Variants in COBL observed in about 807,000 individuals in gnomAD.
COBL encodes the protein cordon-bleu WH2 repeat protein, also known as protein cordon-bleu.
Under a neutral mutation model 98.8 loss-of-function variants are expected in COBL, and 51 were observed. The observed-to-expected ratio is 0.52, with a 90% CI of 0.41 to 0.65. The LOEUF (loss-of-function observed/expected upper bound fraction) is 0.65. COBL is among the 30% of genes least tolerant of loss of function. COBL has a pLI of 0.00. For synonymous variants in COBL, 634 were observed against 651.7 expected, an observed-to-expected ratio of 0.97 and a Z score of 0.41; for missense variants, 1,617 against 1,617.5, an observed-to-expected ratio of 1.00 and a Z score of 0.01.
At chr7:51,255,968 G>C (rs1022552932) in intron 1 of COBL, among the ~76,000 whole-genome samples, 1 of 152,096 alleles carries the variant, frequency 6.6e-6, no homozygotes, top group Non-Finnish European at 1.5e-5. Context: ...CTGGGGACCC[G>C]GGCCAGCACC....
intron 12 of COBL, among the ~76,000 whole-genome samples, chr7:51,018,917 T>A (rs373012042): frequency 0.08 from 1,300 of 16,198 alleles, 113 homozygotes; most frequent in Non-Finnish European, 0.13. Flanking sequence ...TATATATATA[T>A]ATATATATAT....
At chr7:51,123,653 C>T (rs1196822550) in intron 6 of COBL, among the ~76,000 whole-genome samples, 2 of 152,200 alleles carry the variant, frequency 1.3e-5, no homozygotes, top group African/African-American at 4.8e-5. Flanking sequence ...CAAGAAGATG[C>T]ATACAATTGT....
At chr7:51,019,706 G>A (rs999497069) in intron 12 of COBL, among the ~76,000 whole-genome samples, 3 of 152,164 alleles carry the variant, frequency 2.0e-5, no homozygotes, top group South Asian at 2.1e-4. Flanking sequence ...CACGCAAAGA[G>A]TCTGCAAAGA....
Position 51,026,621 on chromosome 7 carries a change from G to A in COBL, c.3429C>T (p.Tyr1143=). The A allele has an allele frequency of 6.2e-7, 1 of 1,614,116 alleles. No individual in the cohort carries two copies. Among genetic ancestry groups the A allele is most frequent in the Non-Finnish European group, 8.5e-7 (1 of 1,180,028 alleles). The change falls in exon 11 of 13, where the codon TAC becomes TAT. Residue 1143 remains tyrosine, a synonymous_variant. Transcript: ENST00000265136. The stretch of plus-strand genomic sequence containing the variant: ...CAGATCGTTCGCCCTCTGCCTCCGT[G>A]TAGGACAGTTTCGCTGGCCTGCCCT... ...TGEGRPAKLS[Y]TEAEGERSAL...
intron 5 of COBL, chr7:51,156,743 A>ACACAC (rs1786185723): frequency 6.4e-6 from 1 of 155,762 alleles, no homozygotes; most frequent in African/African-American, 2.8e-5. Context: ...CACACACACA[A>ACACAC]TGAACTGTAG....
Position 51,035,384 on chromosome 7 carries a change from G to A in COBL, c.1407-4475C>T, listed in dbSNP as rs532272705. On this transcript the variant is annotated intron_variant, in intron 8 of 12. Transcript: ENST00000265136. ...TTAATGAAAAAAAAAAAAAGTCTGAGAGGAGAGAGATGTTGCTTTTAGGTA... is the reference window on the plus strand; with the variant it reads ...TTAATGAAAAAAAAAAAAAGTCTGAAAGGAGAGAGATGTTGCTTTTAGGTA... The A allele has an allele frequency of 5.9e-5, 9 of 151,594 alleles. No individual in the cohort carries two copies. In the South Asian group the frequency reaches 1.9e-3, roughly 32 times the overall value. The allele number at this position is 151,594 out of a possible 1,614,324, so 9.4% of individuals were successfully genotyped here.
At chr7:51,215,159 C>A (rs568052923) in intron 2 of COBL, among the ~76,000 whole-genome samples, 2 of 152,206 alleles carry the variant, frequency 1.3e-5, no homozygotes, top group Non-Finnish European at 2.9e-5. Context: ...TTACGTATAA[C>A]TGGTATAACA....
chr7:51,302,553 C>T (rs1031557119), intron 1 of COBL, among the ~76,000 whole-genome samples: 1 of 149,766 alleles, frequency 6.7e-6, no homozygotes, highest in Admixed American at 6.7e-5. Context: ...TGCACTCCAG[C>T]CTGGGCAACA....
Position 51,052,674 on chromosome 7 carries a change from T to C in COBL, c.1097-8982A>G, listed in dbSNP as rs1435616860. Among the ~76,000 whole-genome samples the C allele has an allele frequency of 7.9e-5, 12 of 152,340 alleles. No homozygotes were observed. In the East Asian group the frequency reaches 2.3e-3, roughly 29 times the overall value. On this transcript the variant is annotated intron_variant, in intron 7 of 12. Transcript: ENST00000265136. ...CCTCAGAAAGAGAGGTTCAGGGACC[T>C]GCCAAGGTGCCAAGGGACTCAATCT... is the stretch of plus-strand genomic sequence containing the variant.
At chr7:51,022,370 G>A (rs1391235451) in intron 12 of COBL, among the ~76,000 whole-genome samples, 1 of 152,196 alleles carries the variant, frequency 6.6e-6, no homozygotes, top group Admixed American at 6.5e-5. Flanking sequence ...CTGAGACTGT[G>A]CGAGAAACAC....
At chr7:51,316,211 C>A (rs1322995552) in intron 1 of COBL, among the ~76,000 whole-genome samples, 3 of 152,146 alleles carry the variant, frequency 2.0e-5, no homozygotes, top group African/African-American at 7.2e-5. Context: ...GAGTCAAAGG[C>A]CGGGCGTCCC....
intron 5 of COBL, among the ~76,000 whole-genome samples, chr7:51,171,367 T>C (rs181828294): frequency 6.6e-6 from 1 of 152,286 alleles, no homozygotes; most frequent in Non-Finnish European, 1.5e-5. Flanking sequence ...ATTTTTGGCA[T>C]GTTAGATCCT....
rs116479929 is a variant in COBL at position 51,061,100 on chromosome 7, C to T, written c.1097-17408G>A. Reference sequence around the variant, plus strand: ...TAAAGAACCACAACCAGCTGAGGTGCTTGCTGAAGGCAAGGGGAATACAGA... The same window carrying T: ...TAAAGAACCACAACCAGCTGAGGTGTTTGCTGAAGGCAAGGGGAATACAGA... On this transcript the variant is annotated intron_variant, in intron 7 of 12. Transcript: ENST00000265136. 4.7e-3 allele frequency among the ~76,000 whole-genome samples: 719 copies of T among 152,270 alleles called. 6 individuals are homozygous for T. The highest frequency in any genetic ancestry group is 0.016 in the African/African-American group (679 of 41,552).
At chr7:51,258,649 C>T (rs978791076) in intron 1 of COBL, among the ~76,000 whole-genome samples, 5 of 152,064 alleles carry the variant, frequency 3.3e-5, no homozygotes, top group African/African-American at 1.2e-4. Context: ...AGCAAAAACA[C>T]ATGCTTCTAC....
chr7:51,118,303 G>A (rs994661552), intron 6 of COBL, among the ~76,000 whole-genome samples: 3 of 152,062 alleles, frequency 2.0e-5, no homozygotes, highest in South Asian at 2.1e-4. Context: ...TGGCTTAGCC[G>A]GGTCCTCTGC....
intron 2 of COBL, among the ~76,000 whole-genome samples, chr7:51,214,934 T>G (rs553086546): frequency 9.5e-4 from 144 of 152,250 alleles, no homozygotes; most frequent in Non-Finnish European, 1.8e-3. Flanking sequence ...ACATACCTCC[T>G]GCTTCTCAGC....
intron 1 of COBL, among the ~76,000 whole-genome samples, chr7:51,237,537 T>TTAA (rs1795377414): frequency 1.5e-5 from 1 of 64,618 alleles, no homozygotes; most frequent in Non-Finnish European, 3.0e-5. Context: ...TTTTTTTTTC[T>TTAA]TAAAAAAAAA....
chr7:51,026,913 A>G (rs1787630406), intron 10 of COBL, among the ~76,000 whole-genome samples: 1 of 152,174 alleles, frequency 6.6e-6, no homozygotes, highest in African/African-American at 2.4e-5. Flanking sequence ...AAAAAAAGAA[A>G]GAAAATCCAC....
At chr7:51,289,955 T>C (rs898104117) in intron 1 of COBL, among the ~76,000 whole-genome samples, 3 of 152,350 alleles carry the variant, frequency 2.0e-5, no homozygotes, top group Admixed American at 6.5e-5. Flanking sequence ...CCTGTGTCTA[T>C]TTTTGTTCAT....
Sources: allele counts gnomAD v4.1 joint callset (sites outside exome capture counted in the v4.1 genomes callset), GRCh38; gene constraint gnomAD v4.1.1; transcripts MANE v1.5; gene names NCBI Gene and HGNC (gene_info 2026-07-23, HGNC 2026-07-21).